MYO5B: variants seen among roughly 807,000 people sequenced by gnomAD.
MYO5B encodes the protein unconventional myosin-Vb.
In MYO5B, 143 loss-of-function variants were observed where a neutral mutation model predicts 229.3. The observed-to-expected ratio is 0.62, with a 90% CI of 0.54 to 0.72. The LOEUF (loss-of-function observed/expected upper bound fraction) is 0.72, where lower values mean the gene tolerates loss of function less well. MYO5B is among the 30% of genes least tolerant of loss of function. The pLI is 0.00. For missense variants in MYO5B, 2,321 were observed against 2,331.0 expected (o/e 1.00, Z 0.09); for synonymous variants, 918 against 885.2 (o/e 1.04, Z -0.66).
rs556694688 is a variant in MYO5B at position 50,139,793 on chromosome 18, C to G, written c.27+54974G>C. ...GCAGGTCCGGCAGGCAGAACCACCC[C>G]CAACCAGCAAATTGTCCCATTCTCT... On this transcript the variant is annotated intron_variant, in intron 1 of 39. Transcript: ENST00000285039. 1.3e-4 allele frequency among the ~76,000 whole-genome samples: 20 copies of G among 152,248 alleles called. No individual in the cohort carries two copies. In the South Asian group the frequency reaches 2.9e-3, roughly 22 times the overall value.
At chr18:50,172,281 AAAAAGAC>A (rs1167656044) in intron 1 of MYO5B, among the ~76,000 whole-genome samples, 16 of 140,096 alleles carry the variant, frequency 1.1e-4, no homozygotes, top group African/African-American at 4.4e-4. Context: ...ACCCTGACAA[AAAAAGAC>A]AAAAAAAAAA....
At chr18:49,883,912 G>GA (rs1157812491) in intron 22 of MYO5B, among the ~76,000 whole-genome samples, 1 of 152,088 alleles carries the variant, frequency 6.6e-6, no homozygotes, top group African/African-American at 2.4e-5. Context: ...TATCTACATG[G>GA]AAAAAAATGA....
chr18:50,168,529 G>A (rs2032885582), intron 1 of MYO5B, among the ~76,000 whole-genome samples: 1 of 152,144 alleles, frequency 6.6e-6, no homozygotes, highest in African/African-American at 2.4e-5. Context: ...GATAAGCTGG[G>A]GCTTCCCCAC....
At chr18:50,039,694 T>G (rs748238039) in intron 3 of MYO5B, among the ~76,000 whole-genome samples, 5 of 152,228 alleles carry the variant, frequency 3.3e-5, no homozygotes, top group African/African-American at 4.8e-5. Flanking sequence ...TTATGAATTT[T>G]GCTCACTATT....
At chr18:50,122,439 TAA>T (rs71169481) in intron 1 of MYO5B, among the ~76,000 whole-genome samples, 12 of 41,888 alleles carry the variant, frequency 2.9e-4, no homozygotes, top group Non-Finnish European at 3.5e-4. Context: ...CTGTCTCAAC[TAA>T]AAAAAAAAAA....
chr18:49,880,224 G>C (rs1039724508), intron 23 of MYO5B, 147 bp downstream of exon 23: 137 of 780,376 alleles, frequency 1.8e-4, no homozygotes, highest in Non-Finnish European at 2.1e-4. Flanking sequence ...GGATCTTAAA[G>C]GTCATTATTC....
chr18:50,167,255 G>C (rs1247746842), intron 1 of MYO5B, among the ~76,000 whole-genome samples: 1 of 152,196 alleles, frequency 6.6e-6, no homozygotes, highest in Non-Finnish European at 1.5e-5. Context: ...AAAACTCAAA[G>C]GATATTACTG....
chr18:49,874,531 T>C (rs4939903), intron 26 of MYO5B, among the ~76,000 whole-genome samples: 36,610 of 152,148 alleles, frequency 0.24, 4,555 homozygotes, highest in East Asian at 0.42. Flanking sequence ...CGGCAAGATT[T>C]ACCTCCCCAC....
At chr18:49,908,345 G>A (rs1787300) in intron 18 of MYO5B, among the ~76,000 whole-genome samples, 102,275 of 151,992 alleles carry the variant, frequency 0.67, 34,793 homozygotes, top group African/African-American at 0.78. Flanking sequence ...TGACTGATCA[G>A]TCGATCAATC....
intron 22 of MYO5B, among the ~76,000 whole-genome samples, chr18:49,888,930 G>A (rs2144121231): frequency 6.6e-6 from 1 of 152,312 alleles, no homozygotes; most frequent in South Asian, 2.1e-4. Context: ...GAGCCTGTGG[G>A]ACAGCAATGC....
intron 17 of MYO5B, among the ~76,000 whole-genome samples, chr18:49,912,826 A>G (rs1259519277): frequency 2.0e-5 from 3 of 152,272 alleles, no homozygotes; most frequent in African/African-American, 7.2e-5. Context: ...TTGCCCAAGC[A>G]TGCAGTGCTC....
At chr18:50,047,516 G>A (rs563052299) in intron 2 of MYO5B, among the ~76,000 whole-genome samples, 1 of 152,310 alleles carries the variant, frequency 6.6e-6, no homozygotes, top group East Asian at 1.9e-4. Flanking sequence ...TTCAACCATT[G>A]TGGAAGTCAG....
intron 22 of MYO5B, among the ~76,000 whole-genome samples, chr18:49,886,499 T>C (rs1198723099): frequency 3.9e-5 from 6 of 152,110 alleles, no homozygotes; most frequent in African/African-American, 1.4e-4. Flanking sequence ...ATAAGCACAG[T>C]CAGGGACTCT....
intron 16 of MYO5B, among the ~76,000 whole-genome samples, chr18:49,934,588 G>T (rs2025229359): frequency 6.6e-6 from 1 of 152,226 alleles, no homozygotes; most frequent in Non-Finnish European, 1.5e-5. Context: ...CCTGGGCCCT[G>T]CACAGCACTC....
chr18:49,891,039 G>T (rs1037342364), intron 22 of MYO5B, among the ~76,000 whole-genome samples: 3 of 152,122 alleles, frequency 2.0e-5, no homozygotes, highest in Non-Finnish European at 4.4e-5. Flanking sequence ...CTCTCTGGAG[G>T]TTTCATGGGT....
At chr18:50,082,162 G>C (rs2031235242) in intron 1 of MYO5B, among the ~76,000 whole-genome samples, 2 of 152,198 alleles carry the variant, frequency 1.3e-5, no homozygotes, top group Admixed American at 6.5e-5. Context: ...ATGGTACCAA[G>C]GGCTGGAGGA....
intron 4 of MYO5B, among the ~76,000 whole-genome samples, chr18:50,014,294 A>AC (rs34931789): frequency 0.58 from 82,368 of 141,354 alleles, 25,983 homozygotes; most frequent in East Asian, 0.78. Context: ...AAAAAAAAAA[A>AC]AACTACGGGT....
At chr18:49,838,123 G>C (rs143444500) in intron 36 of MYO5B, among the ~76,000 whole-genome samples, 1 of 152,100 alleles carries the variant, frequency 6.6e-6, no homozygotes, top group Non-Finnish European at 1.5e-5. Flanking sequence ...TGTCATCCTC[G>C]TCCAGCCACT....
rs569731651 is a variant in MYO5B, at chr18:49,936,856, AG to A, written c.1905+388del. Among the ~76,000 whole-genome samples, 4 of 152,312 alleles carry A rather than the reference AG, an allele frequency of 2.6e-5. No individual in the cohort carries two copies. In the East Asian group the frequency reaches 7.7e-4, roughly 29 times the overall value. The stretch of plus-strand genomic sequence containing the variant: ...TCTTCTCTCCAGAGACACAATGGGC[AG>A]AACAGCCACAGAGACCCCACAGCAG... On this transcript the variant is annotated intron_variant, in intron 15 of 39. Transcript: ENST00000285039.
Sources: allele counts gnomAD v4.1 joint callset (sites outside exome capture counted in the v4.1 genomes callset), GRCh38; gene constraint gnomAD v4.1.1; transcripts MANE v1.5; gene names NCBI Gene and HGNC (gene_info 2026-07-23, HGNC 2026-07-21).